EFCAB13: variants seen among roughly 807,000 people sequenced by gnomAD.
EFCAB13 encodes EF-hand calcium-binding domain-containing protein 13.
A neutral mutation model predicts 110.2 loss-of-function variants in EFCAB13; 91 were observed. The ratio of observed to expected loss-of-function variants is 0.83; its 90% CI spans 0.70 to 0.98. The LOEUF is 0.98. Ranked by LOEUF, EFCAB13 falls within the 50% of genes least tolerant of loss-of-function variation. EFCAB13 has a pLI of 0.00. For synonymous variants in EFCAB13, 323 were observed against 369.9 expected (o/e 0.87, Z 1.45); for missense variants, 968 against 1,119.4 (o/e 0.86, Z 1.93).
chr17:47,408,503 A>C (rs1399477027), intron 20 of EFCAB13, among the ~76,000 whole-genome samples: 3 of 152,072 alleles, frequency 2.0e-5, no homozygotes, highest in African/African-American at 7.2e-5. Context: ...AAATACAAAA[A>C]TTAGCCTGGC....
At chr17:47,424,389 G>T (rs1904855916) in intron 23 of EFCAB13, among the ~76,000 whole-genome samples, 5 of 152,238 alleles carry the variant, frequency 3.3e-5, no homozygotes, top group Admixed American at 3.3e-4. Flanking sequence ...TTCCCAGCGT[G>T]AGGAAAATGA....
intron 17 of EFCAB13, among the ~76,000 whole-genome samples, chr17:47,398,294 C>T (rs1408264579): frequency 6.7e-6 from 1 of 149,708 alleles, no homozygotes; most frequent in East Asian, 2.2e-4. Context: ...AGGGGCGCCT[C>T]TGCCCGGCCG....
chr17:47,346,418 T>C (rs911819209), intron 8 of EFCAB13, among the ~76,000 whole-genome samples: 6 of 142,664 alleles, frequency 4.2e-5, no homozygotes, highest in African/African-American at 5.2e-5. Flanking sequence ...CTGTCATATG[T>C]ATATAACGTA....
rs2065604684 is a variant in EFCAB13, at chr17:47,374,746, T to G, written c.1152T>G (p.Tyr384Ter). 1 of 1,613,928 alleles carries G rather than the reference T, an allele frequency of 6.2e-7. No homozygotes were observed. Among genetic ancestry groups the G allele is most frequent in the Admixed American group, 1.7e-5 (1 of 59,986 alleles). ...GSSNVGVQEP[Y>*]SKNGINFKKH... Reference sequence around the variant, plus strand: ...GTAATGTAGGAGTCCAAGAACCATATTCAAAGAATGGCATAAACTTTAAAA... The same window carrying G: ...GTAATGTAGGAGTCCAAGAACCATAGTCAAAGAATGGCATAAACTTTAAAA... Residue 384 changes from tyrosine to a stop codon, truncating the protein, a stop_gained, in exon 12 of 25, where the codon TAT becomes TAG. Transcript: ENST00000331493. LOFTEE classifies it high-confidence loss of function.
intron 9 of EFCAB13, among the ~76,000 whole-genome samples, chr17:47,349,121 A>G (rs942515660): frequency 3.9e-5 from 6 of 152,214 alleles, no homozygotes; most frequent in Admixed American, 6.5e-5. Flanking sequence ...AACTTGATAG[A>G]CTTTTCAGTA....
chr17:47,360,591 T>C (rs2065507274), intron 9 of EFCAB13, among the ~76,000 whole-genome samples: 1 of 152,208 alleles, frequency 6.6e-6, no homozygotes, highest in Non-Finnish European at 1.5e-5. Context: ...TTCACTCTGA[T>C]GGTAGTTTCT....
At chr17:47,381,950 A>G (rs894794862) in intron 14 of EFCAB13, among the ~76,000 whole-genome samples, 5 of 152,186 alleles carry the variant, frequency 3.3e-5, no homozygotes, top group African/African-American at 1.2e-4. Flanking sequence ...TTTGGGCAAG[A>G]TGGCCATTTT....
rs1204089926 is a variant in EFCAB13, at chr17:47,351,317, G to GCGCGCGCGCGCGCGCA, written c.661+3377_661+3378insGCGCACGCGCGCGCGC. Among the ~76,000 whole-genome samples, 26 of 113,996 alleles carry GCGCGCGCGCGCGCGCA rather than the reference G, an allele frequency of 2.3e-4. 1 individual carries two copies. Among genetic ancestry groups the GCGCGCGCGCGCGCGCA allele is most frequent in the Middle Eastern group, 9.8e-3 (2 of 204 alleles). 74.8% of individuals were successfully genotyped at this position (113,996 alleles called of 152,430 possible). ...TGTGTGTGTGTGTGCGCGCGCGCGC[G>GCGCGCGCGCGCGCGCA]CGCGCGCGCGCCACGTTTTCTTTAT... On this transcript the variant is annotated intron_variant, in intron 9 of 24. Transcript: ENST00000331493.
At chr17:47,425,578 AC>A (rs1904923433) in intron 23 of EFCAB13, among the ~76,000 whole-genome samples, 1 of 152,190 alleles carries the variant, frequency 6.6e-6, no homozygotes, top group Admixed American at 6.5e-5. Context: ...AACCACACTT[AC>A]CACTTGCAGC....
chr17:47,429,137 A>G (rs927801012), intron 23 of EFCAB13, among the ~76,000 whole-genome samples: 7 of 152,184 alleles, frequency 4.6e-5, no homozygotes, highest in Admixed American at 1.3e-4. Context: ...CAGTTTGACT[A>G]AGAACTGGAA....
intron 3 of EFCAB13, 81 bp from the exon 4 acceptor site, chr17:47,328,186 AAG>A (rs764736097): frequency 1.3e-5 from 9 of 692,728 alleles, no homozygotes; most frequent in Non-Finnish European, 1.8e-5. Flanking sequence ...TGTTACATTG[AAG>A]AGATAACTTC....
At chr17:47,379,363 T>G in intron 14 of EFCAB13, 110 bp downstream of exon 14, 1 of 793,544 alleles carries the variant, frequency 1.3e-6, no homozygotes, top group East Asian at 2.6e-5. Flanking sequence ...AATAGTCCTG[T>G]GACTCTTAGG....
chr17:47,370,603 G>A, intron 11 of EFCAB13, 95 bp downstream of exon 11: 1 of 805,894 alleles, frequency 1.2e-6, no homozygotes, highest in Non-Finnish European at 1.9e-6. Context: ...AAAGGGTTTT[G>A]AAAACCTTCT....
At chr17:47,425,157 C>G (rs1904908048) in intron 23 of EFCAB13, among the ~76,000 whole-genome samples, 1 of 151,944 alleles carries the variant, frequency 6.6e-6, no homozygotes, top group African/African-American at 2.4e-5. Flanking sequence ...GCTGGGATTA[C>G]AGGCGTGAGC....
chr17:47,428,453 G>C (rs1226765110), intron 23 of EFCAB13, among the ~76,000 whole-genome samples: 1 of 151,872 alleles, frequency 6.6e-6, no homozygotes, highest in Non-Finnish European at 1.5e-5. Context: ...ATTTGGCCAG[G>C]TATTAAATGG....
At chr17:47,393,611 G>A (rs1478614565) in intron 15 of EFCAB13, among the ~76,000 whole-genome samples, 1 of 152,016 alleles carries the variant, frequency 6.6e-6, no homozygotes, top group East Asian at 1.9e-4. Flanking sequence ...AGCTGCTTGG[G>A]AGGCTGAGGT....
At chr17:47,440,391 A>G in intron 24 of EFCAB13, 40 bp from the exon 25 acceptor site, 5 of 1,506,658 alleles carry the variant, frequency 3.3e-6, no homozygotes, top group Non-Finnish European at 4.4e-6. Flanking sequence ...TTCTGAAACA[A>G]TAATTCTTTC....
Position 47,361,495 on chromosome 17 carries a change from A to T in EFCAB13, c.779A>T (p.Glu260Val). Reference sequence around the variant, plus strand: ...CCTATAAACCGTGAAATTTTAGAAGAAGTGACAAAACATACCTATATTGAC... The same window carrying T: ...CCTATAAACCGTGAAATTTTAGAAGTAGTGACAAAACATACCTATATTGAC... ...GIPINREILE[E>V]VTKHTYIDSN... is the part of the protein sequence containing the mutation. Residue 260 changes from glutamate to valine, a missense_variant, in exon 10 of 25, where the codon GAA (glutamate) becomes GTA (valine). Glu to Val is a moderately radical substitution (Grantham distance 121). Transcript: ENST00000331493. 1 of 1,606,202 alleles carries T rather than the reference A, an allele frequency of 6.2e-7. No individual in the cohort carries two copies. The highest frequency in any genetic ancestry group is 8.5e-7 in the Non-Finnish European group (1 of 1,176,404).
intron 12 of EFCAB13, among the ~76,000 whole-genome samples, chr17:47,375,956 T>C (rs1956909495): frequency 6.6e-6 from 1 of 152,148 alleles, no homozygotes; most frequent in Non-Finnish European, 1.5e-5. Context: ...TTCTCAAAGA[T>C]GAGCAATGGT....
Sources: gnomAD v4.1 joint callset for allele counts (sites outside exome capture counted in the v4.1 genomes callset) on GRCh38, gnomAD v4.1.1 for gene constraint, MANE v1.5 for transcripts, NCBI Gene and HGNC (gene_info 2026-07-23, HGNC 2026-07-21) for gene names.